DDX51: variants seen among roughly 807,000 people sequenced by gnomAD.
DDX51 encodes ATP-dependent RNA helicase DDX51.
In DDX51, 67 loss-of-function variants were observed where a neutral mutation model predicts 74.6. That is an observed-to-expected ratio of 0.90 (90% confidence interval 0.74 to 1.10). DDX51 has a LOEUF of 1.10. Among genes scored for constraint, DDX51 ranks in the 50% least tolerant of loss-of-function variants. The pLI is 0.00. For synonymous variants in DDX51, 545 were observed against 402.9 expected, an observed-to-expected ratio of 1.35 and a Z score of -4.22; for missense variants, 1,056 against 905.2, an observed-to-expected ratio of 1.17 and a Z score of -2.14.
chr12:132,141,439 C>A lies in DDX51; in HGVS notation c.1105-19G>T, dbSNP rs962488078. 6.3e-7 allele frequency: 1 copy of A among 1,585,662 alleles called. No homozygotes were observed. The highest frequency in any genetic ancestry group is 1.7e-4 in the Middle Eastern group (1 of 6,002). On this transcript the variant is annotated intron_variant, in intron 7 of 14. Coordinates refer to ENST00000397333, the MANE Select transcript of DDX51 (RefSeq NM_175066.4). ...CGATAATCTGCAGGAGACAGGGAGCCCGGGACTGGGTGGCGCGGCCCTGAG... is the reference window on the plus strand; with the variant it reads ...CGATAATCTGCAGGAGACAGGGAGCACGGGACTGGGTGGCGCGGCCCTGAG...
At position 132,140,742 on chromosome 12, in the gene DDX51, G is replaced by A. The variant is rs541123673; in HGVS notation, c.1441-7C>T. ...TGCAGGGCACGTAGTGGTGCTACAG[G>A]GACGGCAGGGGGTCGGGGTGGAGGT... is the stretch of plus-strand genomic sequence containing the variant. On this transcript the variant is annotated splice_region_variant and splice_polypyrimidine_tract_variant and intron_variant, in intron 9 of 14. Coordinates refer to ENST00000397333, the MANE Select transcript of DDX51 (RefSeq NM_175066.4). The A allele has an allele frequency of 3.1e-6, 5 of 1,613,054 alleles. No homozygotes were observed. Among genetic ancestry groups the A allele is most frequent in the East Asian group, 4.5e-5 (2 of 44,886 alleles).
rs529599700 is a variant in DDX51, at chr12:132,138,999, G to A, written c.*273C>T. On this transcript the variant is annotated 3_prime_UTR_variant, in exon 15 of 15. Coordinates refer to ENST00000397333, the MANE Select transcript of DDX51 (RefSeq NM_175066.4). ...CATGACGGGTGCCCGCGTCCGTCTG[G>A]GAGTACTTTTCACCGTTTTACTAAG... is the stretch of plus-strand genomic sequence containing the variant. 8 of 502,984 alleles carry A rather than the reference G, an allele frequency of 1.6e-5. No individual in the cohort carries two copies. In the South Asian group the frequency reaches 2.6e-4, roughly 16 times the overall value. The allele number at this position is 502,984 out of a possible 1,614,324, so 31.2% of individuals were successfully genotyped here.
Position 132,137,979 on chromosome 12 carries a change from C to T in DDX51, c.*1293G>A, listed in dbSNP as rs1045616027. 6.6e-6 allele frequency: 1 copy of T among 152,240 alleles called. No individual in the cohort carries two copies. The highest frequency in any genetic ancestry group is 1.5e-5 in the Non-Finnish European group (1 of 68,066). The allele number at this position is 152,240 out of a possible 1,614,324, so 9.4% of individuals were successfully genotyped here. A position where few individuals can be genotyped will look rare whatever the true frequency, so the allele number is the denominator to read the frequency against. On this transcript the variant is annotated 3_prime_UTR_variant, in exon 15 of 15. Transcript: ENST00000397333. ...CCTTCCTTCAGTTAGCGTCAGGTTC[C>T]GGGTTCATCCACGGGGTGCCTATGC...
intron 8 of DDX51, 75 bp from the exon 9 acceptor site, chr12:132,141,095 C>G (rs1289052200): frequency 3.3e-6 from 5 of 1,528,858 alleles, no homozygotes; most frequent in Non-Finnish European, 4.4e-6. Flanking sequence ...ATTCCTCATG[C>G]TACGCACTGT....
At position 132,139,285 on chromosome 12, in the gene DDX51, T is replaced by G; in HGVS notation, c.1988A>C (p.Gln663Pro). 2 of 1,609,024 alleles carry G rather than the reference T, an allele frequency of 1.2e-6. No individual in the cohort carries two copies. Among genetic ancestry groups the G allele is most frequent in the Non-Finnish European group, 1.7e-6 (2 of 1,178,864 alleles). The change falls in exon 15 of 15, where the codon CAG becomes CCG. Residue 663 changes from glutamine to proline, a missense_variant. Gln to Pro is a moderately conservative substitution (Grantham distance 76, BLOSUM62 -1). Coordinates refer to ENST00000397333, the MANE Select transcript of DDX51 (RefSeq NM_175066.4). ...CTGAGCCCCAGCCTAGGCCGCCCTC[T>G]GCTTGCGCTCTTCCTGTGGAGGAAA... Reference protein sequence around the residue: ...LEESVKEERKQRAA With the variant: ...LEESVKEERKPRAA
rs377155328 is a variant in DDX51, at chr12:132,142,198, G to T, written c.817-8C>A. The T allele has an allele frequency of 6.4e-7, 1 of 1,573,474 alleles. No individual in the cohort carries two copies. Among genetic ancestry groups the T allele is most frequent in the African/African-American group, 1.4e-5 (1 of 73,926 alleles). On this transcript the variant is annotated splice_polypyrimidine_tract_variant and splice_region_variant and intron_variant, in intron 4 of 14. Transcript: ENST00000397333. ...CACTCTCGAAAGCAGGGCCTGAGGG[G>T]GAAGGAGCGCCTGCGTCAGCAAGGC...
intron 14 of DDX51, 143 bp from the exon 15 acceptor site, chr12:132,139,441 C>A: frequency 6.6e-7 from 1 of 1,517,484 alleles, no homozygotes; most frequent in South Asian, 1.1e-5. Flanking sequence ...ACAGCCCTCC[C>A]TGGTGCCACG....
In DDX51 at chr12:132,141,947, C is replaced by G. The variant is rs374298884; in HGVS notation, c.898G>C (p.Val300Leu). 1.9e-6 allele frequency: 3 copies of G among 1,612,770 alleles called. No homozygotes were observed. In the Admixed American group the frequency reaches 5.0e-5, roughly 27 times the overall value. Residue 300 changes from valine (V) to leucine (L), a missense_variant, in exon 6 of 15, where the codon GTT (valine) becomes CTT (leucine). Val to Leu is a conservative substitution (Grantham distance 32, BLOSUM62 1). Transcript: ENST00000397333. The part of the protein sequence containing the change: ...TKELAQQVSK[V>L]FNIYTDATPL... ...GTGGCATCTGTGTAGATGTTGAAAA[C>G]TTTGCTCACCTGCAGGAGAAGTCTG...
Position 132,140,651 on chromosome 12 carries a change from AGAGAACCCTC to A in DDX51, c.1515_1524del (p.Arg506AlafsTer38), listed in dbSNP as rs770058148. 2 of 1,613,002 alleles carry A rather than the reference AGAGAACCCTC, an allele frequency of 1.2e-6. No homozygotes were observed. Among genetic ancestry groups the A allele is most frequent in the Non-Finnish European group, 1.7e-6 (2 of 1,180,036 alleles). ...GAGTTCTCTCGGGAGTTAGTGAAGC[AGAGAACCCTC>A]GAGAAGCCCATCTCCAGGACCAGGT... On this transcript the variant is annotated frameshift_variant, in exon 10 of 15. Transcript: ENST00000397333. LOFTEE classifies it high-confidence loss of function.
intron 3 of DDX51, 26 bp from the exon 4 acceptor site, chr12:132,142,448 G>C (rs759292462): frequency 1.2e-6 from 2 of 1,607,452 alleles, no homozygotes; most frequent in South Asian, 1.1e-5. Flanking sequence ...CGAGAGAGAA[G>C]TCGTGTTTAC....
rs1202453625 is a variant in DDX51, at chr12:132,139,661, G to C, written c.1948C>G (p.Leu650Val). The change falls in exon 14 of 15, where the codon CTG becomes GTG. Residue 650 changes from leucine (L) to valine (V), a missense_variant. Coordinates refer to ENST00000397333, the MANE Select transcript of DDX51 (RefSeq NM_175066.4). ...TTGACAGACTCCTCCAGCTGGGACA[G>C]GGCCTCCTCGTACCGAGGAACCAGC... ...QPLVPRYEEA[L>V]SQLEESVKEE... The C allele has an allele frequency of 6.2e-7, 1 of 1,613,110 alleles. No individual in the cohort carries two copies. Among genetic ancestry groups the C allele is most frequent in the Non-Finnish European group, 8.5e-7 (1 of 1,179,992 alleles).
At chr12:132,143,524 G>T in intron 2 of DDX51, 171 bp downstream of exon 2, 1 of 847,110 alleles carries the variant, frequency 1.2e-6, no homozygotes, top group Non-Finnish European at 1.8e-6. Context: ...CGGGAGCTCT[G>T]CACGTGCAGG....
Position 132,140,694 on chromosome 12 carries a change from G to A in DDX51, c.1482C>T (p.Val494=), listed in dbSNP as rs770711752. Residue 494 remains valine (V), a synonymous_variant, in exon 10 of 15, where the codon GTC becomes GTT. Transcript: ENST00000397333. ...CCATCTCCAGGACCAGGTGCAGGACGACCAGCGGCTTAGAGCTGAGGCTGC... is the reference window on the plus strand; with the variant it reads ...CCATCTCCAGGACCAGGTGCAGGACAACCAGCGGCTTAGAGCTGAGGCTGC... The part of the protein sequence containing the change: ...VPCSLSSKPL[V]VLHLVLEMGF... 5.7e-5 allele frequency: 92 copies of A among 1,612,940 alleles called. No individual in the cohort carries two copies. Among genetic ancestry groups the A allele is most frequent in the Admixed American group, 1.8e-4 (11 of 60,002 alleles).
chr12:132,144,025 C>A lies in DDX51; in HGVS notation c.272G>T (p.Arg91Leu). 7.3e-7 allele frequency: 1 copy of A among 1,364,790 alleles called. No homozygotes were observed. Among genetic ancestry groups the A allele is most frequent in the South Asian group, 1.8e-5 (1 of 57,122 alleles). 84.5% of individuals were successfully genotyped at this position (1,364,790 alleles called of 1,614,324 possible). The change falls in exon 1 of 15, where the codon CGA becomes CTA. Residue 91 changes from arginine (R) to leucine (L), a missense_variant. Coordinates refer to ENST00000397333, the MANE Select transcript of DDX51 (RefSeq NM_175066.4). ...CGCGTCCTCGCCGTCCGCCTTCCGT[C>A]GCTTTCCCTGCGGCGCCTCCGGGCT... Reference protein sequence around the residue: ...PGSPEAPQGKRRKADGEDAGA... With the variant: ...PGSPEAPQGKLRKADGEDAGA...
rs934352572 is a variant in DDX51, at chr12:132,142,770, G to A, written c.628C>T (p.Gln210Ter). 6.2e-7 allele frequency: 1 copy of A among 1,613,050 alleles called. No homozygotes were observed. Among genetic ancestry groups the A allele is most frequent in the Non-Finnish European group, 8.5e-7 (1 of 1,179,998 alleles). The change falls in exon 3 of 15, where the codon CAG becomes TAG. Residue 210 changes from glutamine (Q) to a stop codon, truncating the protein, a stop_gained. Coordinates refer to ENST00000397333, the MANE Select transcript of DDX51 (RefSeq NM_175066.4). LOFTEE classifies it high-confidence loss of function. ...EDIPDVHPDLQKQLRAHGISS... is the reference protein window; with the variant it reads ...EDIPDVHPDL ...ATGCCGTGTGCCCGCAGCTGCTTCT[G>A]CAGGTCAGGATGGACGTCAGGGATG...
In DDX51 at chr12:132,143,820, G is replaced by A. The variant is rs1217562878; in HGVS notation, c.394C>T (p.Pro132Ser). 23 of 1,497,296 alleles carry A rather than the reference G, an allele frequency of 1.5e-5. No individual in the cohort carries two copies. Among genetic ancestry groups the A allele is most frequent in the Non-Finnish European group, 2.0e-5 (23 of 1,138,168 alleles). 92.8% of individuals were successfully genotyped at this position (1,497,296 alleles called of 1,614,324 possible). A position where few individuals can be genotyped will look rare whatever the true frequency, so the allele number is the denominator to read the frequency against. Residue 132 changes from proline to serine, a missense_variant, in exon 2 of 15, where the codon CCG (proline) becomes TCG (serine). Transcript: ENST00000397333. ...CTGGCGCTGGTGCTGCGCTCCCCCG[G>A]CGCCTCCTCGCTGCTCCCTGCGCTG... ...EPSAGSSEEA[P>S]GERSTSASAE...
rs1897322514 is a variant in DDX51, at chr12:132,138,234, T to C, written c.*1038A>G. On this transcript the variant is annotated 3_prime_UTR_variant, in exon 15 of 15. Transcript: ENST00000397333. ...CTCTGTGTTTAACGCCCCAAGGCTTTGCCCAGCTGTCTCCACGTGACCTTC... is the reference window on the plus strand; with the variant it reads ...CTCTGTGTTTAACGCCCCAAGGCTTCGCCCAGCTGTCTCCACGTGACCTTC... The C allele has an allele frequency of 6.6e-6, 1 of 152,340 alleles. No individual in the cohort carries two copies. The highest frequency in any genetic ancestry group is 6.5e-5 in the Admixed American group (1 of 15,290). The allele number at this position is 152,340 out of a possible 1,614,324, so 9.4% of individuals were successfully genotyped here. A position where few individuals can be genotyped will look rare whatever the true frequency, so the allele number is the denominator to read the frequency against.
intron 2 of DDX51, chr12:132,143,316 C>A: frequency 2.3e-6 from 1 of 427,094 alleles, no homozygotes; most frequent in Non-Finnish European, 4.2e-6. Context: ...CTTTCTTCAC[C>A]TGTCTCGCCG....
chr12:132,143,256 T>A, intron 2 of DDX51: 1 of 400,268 alleles, frequency 2.5e-6, no homozygotes, highest in East Asian at 6.1e-5. Context: ...AAAGAGAACC[T>A]CCTCCACCTG....
Sources: allele counts gnomAD v4.1 joint callset, GRCh38; gene constraint gnomAD v4.1.1; transcripts MANE v1.5; gene names NCBI Gene and HGNC (gene_info 2026-07-23, HGNC 2026-07-21).